DDX60L: variants seen among roughly 807,000 people sequenced by gnomAD.
DDX60L encodes probable ATP-dependent RNA helicase DDX60-like.
DDX60L carries 191 observed loss-of-function variants against 211.6 expected under a neutral mutation model. The observed-to-expected ratio is 0.90, with a 90% CI of 0.80 to 1.02. The LOEUF is 1.02. DDX60L is among the 50% of genes least tolerant of loss of function. The pLI, the probability that DDX60L is intolerant of heterozygous loss-of-function variation, is 0.00. For missense variants in DDX60L, 2,007 were observed against 1,984.1 expected (o/e 1.01, Z -0.22); for synonymous variants, 706 against 694.1 (o/e 1.02, Z -0.27).
chr4:168,416,375 TTTGGAGAAG>T (rs1037789409), intron 20 of DDX60L, among the ~76,000 whole-genome samples: 5 of 152,178 alleles, frequency 3.3e-5, no homozygotes, highest in African/African-American at 1.2e-4. Context: ...CTTGATTTTC[TTTGGAGAAG>T]ATGTTTTCCT....
At chr4:168,416,949 A>G (rs1247827607) in intron 19 of DDX60L, among the ~76,000 whole-genome samples, 152 bp from the exon 20 acceptor site, 1 of 152,238 alleles carries the variant, frequency 6.6e-6, no homozygotes, top group Non-Finnish European at 1.5e-5. Context: ...AATAGACATC[A>G]TGACACTTAA....
intron 37 of DDX60L, among the ~76,000 whole-genome samples, chr4:168,358,524 C>CTTTTTTTTTTTTTTTTTTT (rs70961514): frequency 1.8e-5 from 2 of 108,306 alleles, no homozygotes; most frequent in Non-Finnish European, 3.8e-5. Context: ...TTTTCTTTTT[C>CTTTTTTTTTTTTTTTTTTT]TTTTTTTTTT....
At chr4:168,362,360 A>G (rs2634934) in intron 36 of DDX60L, among the ~76,000 whole-genome samples, 109,900 of 152,094 alleles carry the variant, frequency 0.72, 40,754 homozygotes, top group East Asian at 0.85. Context: ...ACAGCTGGCC[A>G]GCCCACATAT....
chr4:168,435,218 C>T (rs1033444004), intron 10 of DDX60L, among the ~76,000 whole-genome samples: 2 of 152,170 alleles, frequency 1.3e-5, no homozygotes, highest in African/African-American at 2.4e-5. Context: ...TTTCAGAATG[C>T]GTAACTGGGA....
chr4:168,405,447 G>A lies in DDX60L; in HGVS notation c.3213+503C>T, dbSNP rs187075087. 1.6e-4 allele frequency among the ~76,000 whole-genome samples: 24 copies of A among 152,246 alleles called. No homozygotes were observed. In the East Asian group the frequency reaches 1.7e-3, roughly 11 times the overall value. On this transcript the variant is annotated intron_variant, in intron 24 of 37. Transcript: ENST00000682922. The stretch of plus-strand genomic sequence containing the variant: ...TTTGCTTCTCAGCATAGCCACCTAC[G>A]AGTCTGTCATCTATAAATTTGCCTG...
At chr4:168,470,818 C>T in intron 4 of DDX60L, 1 of 245,170 alleles carries the variant, frequency 4.1e-6, no homozygotes, top group Non-Finnish European at 8.2e-6. Flanking sequence ...TCAGCCTGTG[C>T]AAAAAGAGCG....
rs1288203479 is a variant in DDX60L at position 168,427,096 on chromosome 4, G to T, written c.1904C>A (p.Ala635Glu). 3 of 1,605,296 alleles carry T rather than the reference G, an allele frequency of 1.9e-6. No homozygotes were observed. The highest frequency in any genetic ancestry group is 2.6e-6 in the Non-Finnish European group (3 of 1,174,978). ...EMLGLIACFK[A>E]WKKHCRGEGK... Reference sequence around the variant, plus strand: ...TTCACCTCGGCAATGTTTTTTCCATGCTTTAAAGCAGGCAATTAATCCTAA... The same window carrying T: ...TTCACCTCGGCAATGTTTTTTCCATTCTTTAAAGCAGGCAATTAATCCTAA... Residue 635 changes from alanine (A) to glutamate (E), a missense_variant, in exon 14 of 38, where the codon GCA (alanine) becomes GAA (glutamate). Ala to Glu is a moderately radical substitution (Grantham distance 107). Coordinates refer to ENST00000682922, the MANE Select transcript of DDX60L (RefSeq NM_001012967.3).
Position 168,405,954 on chromosome 4 carries a change from T to G in DDX60L, c.3209A>C (p.Lys1070Thr). 6.4e-7 allele frequency: 1 copy of G among 1,566,276 alleles called. No homozygotes were observed. Among genetic ancestry groups the G allele is most frequent in the Non-Finnish European group, 8.6e-7 (1 of 1,159,364 alleles). ...CCAAGAAAGTGTGAAAATTACCTTCTTCACTTGGCCATTTTTAATCCAATT... is the reference window on the plus strand; with the variant it reads ...CCAAGAAAGTGTGAAAATTACCTTCGTCACTTGGCCATTTTTAATCCAATT... The part of the protein sequence containing the change: ...LTNWIKNGQV[K>T]KVKRVLKNLS... The change falls in exon 24 of 38, where the codon AAG becomes ACG. Residue 1070 changes from lysine (K) to threonine (T), a missense_variant. By Grantham distance (78) the Lys-to-Thr change is moderately conservative. Coordinates refer to ENST00000682922, the MANE Select transcript of DDX60L (RefSeq NM_001012967.3).
At chr4:168,445,204 C>G in intron 9 of DDX60L, among the ~76,000 whole-genome samples, 4 of 129,632 alleles carry the variant, frequency 3.1e-5, no homozygotes, top group African/African-American at 1.1e-4. Context: ...GATATCACCA[C>G]CGATCCCACA....
At chr4:168,411,934 G>A (rs867605140) in intron 22 of DDX60L, among the ~76,000 whole-genome samples, 9 of 151,772 alleles carry the variant, frequency 5.9e-5, no homozygotes, top group Middle Eastern at 3.4e-3. Flanking sequence ...ACTGAGCAAA[G>A]TCATGAGGCC....
At chr4:168,450,056 G>A (rs189040058) in intron 8 of DDX60L, among the ~76,000 whole-genome samples, 157 of 152,230 alleles carry the variant, frequency 1.0e-3, no homozygotes, top group African/African-American at 3.7e-3. Flanking sequence ...CATTCCTGGG[G>A]ACTCGGCGGC....
At chr4:168,413,245 G>A (rs903906018) in intron 22 of DDX60L, among the ~76,000 whole-genome samples, 2 of 151,954 alleles carry the variant, frequency 1.3e-5, no homozygotes, top group Non-Finnish European at 2.9e-5. Context: ...TTTTCAGGCC[G>A]ATAATTTAAA....
At chr4:168,385,434 T>A (rs1367086815) in intron 29 of DDX60L, among the ~76,000 whole-genome samples, 2 of 152,146 alleles carry the variant, frequency 1.3e-5, no homozygotes, top group Non-Finnish European at 2.9e-5. Flanking sequence ...ATATCCTTCA[T>A]AATAAACTGA....
chr4:168,430,728 A>T (rs188496347), intron 12 of DDX60L, 90 bp from the exon 13 acceptor site: 1 of 989,520 alleles, frequency 1.0e-6, no homozygotes, highest in African/African-American at 1.7e-5. Flanking sequence ...TAACTCCAGA[A>T]TAATAATTCA....
intron 11 of DDX60L, 150 bp downstream of exon 11, chr4:168,432,859 TG>T (rs1159412391): frequency 4.1e-6 from 2 of 489,056 alleles, no homozygotes; most frequent in African/African-American, 4.0e-5. Context: ...ACATACTAGA[TG>T]TTACAATCAC....
At chr4:168,361,996 G>A (rs1376846219) in intron 36 of DDX60L, among the ~76,000 whole-genome samples, 1 of 152,180 alleles carries the variant, frequency 6.6e-6, no homozygotes, top group Non-Finnish European at 1.5e-5. Context: ...AAAGCTATGT[G>A]GCAGCCCACC....
intron 1 of DDX60L, among the ~76,000 whole-genome samples, chr4:168,477,139 G>A (rs1166951497): frequency 1.3e-5 from 2 of 152,160 alleles, no homozygotes; most frequent in African/African-American, 2.4e-5. Context: ...ATCTTGGCTG[G>A]GCGCGGTGGC....
chr4:168,478,406 T>C (rs1239200161), intron 1 of DDX60L, among the ~76,000 whole-genome samples: 1 of 152,148 alleles, frequency 6.6e-6, no homozygotes, highest in Non-Finnish European at 1.5e-5. Context: ...CATAGGGAAC[T>C]AACTAGAGCA....
At chr4:168,419,744 C>T (rs1249278206) in intron 18 of DDX60L, among the ~76,000 whole-genome samples, 1 of 152,116 alleles carries the variant, frequency 6.6e-6, no homozygotes, top group African/African-American at 2.4e-5. Context: ...TATGAGGATC[C>T]ATAAATATCA....
Sources: allele counts gnomAD v4.1 joint callset (sites outside exome capture counted in the v4.1 genomes callset), GRCh38; gene constraint gnomAD v4.1.1; transcripts MANE v1.5; gene names NCBI Gene and HGNC (gene_info 2026-07-23, HGNC 2026-07-21).